The following ATP8A2 variants were observed in gnomAD, a reference collection of about 807,000 sequenced individuals.
The protein encoded by ATP8A2 is phospholipid-transporting ATPase IB.
In ATP8A2, 100 loss-of-function variants were observed where a neutral mutation model predicts 165.6. The ratio of observed to expected loss-of-function variants is 0.60; its 90% CI spans 0.51 to 0.71. The LOEUF is 0.71. Ranked by LOEUF, ATP8A2 falls within the 30% of genes least tolerant of loss-of-function variation. The probability of loss-of-function intolerance (pLI) is 0.00; values close to 1 mark genes in which losing one functional copy is unlikely to be tolerated. For missense variants in ATP8A2, 1,227 were observed against 1,479.5 expected, an observed-to-expected ratio of 0.83 and a Z score of 2.80; for synonymous variants, 543 against 548.8, an observed-to-expected ratio of 0.99 and a Z score of 0.15.
At chr13:25,573,870 GAGA>G (rs1358189677) in intron 18 of ATP8A2, among the ~76,000 whole-genome samples, 3 of 152,354 alleles carry the variant, frequency 2.0e-5, no homozygotes, top group South Asian at 2.1e-4. Context: ...AGGATGCAAA[GAGA>G]AGGAGTGGAG....
rs745384070 is a variant in ATP8A2, at chr13:25,570,752, G to A, written c.1474-15G>A. On this transcript the variant is annotated splice_polypyrimidine_tract_variant and intron_variant, in intron 16 of 36. Coordinates refer to ENST00000381655, the MANE Select transcript of ATP8A2 (RefSeq NM_016529.6). ...AGGTGTTGTATCTGACACTAATCCC[G>A]CCTCACGTTTGCAGCCCACAGCCCC... The A allele has an allele frequency of 9.4e-5, 151 of 1,606,742 alleles. 1 individual carries two copies. Among genetic ancestry groups the A allele is most frequent in the South Asian group, 8.2e-4 (74 of 90,448 alleles).
At chr13:25,475,763 C>T (rs765759176) in intron 2 of ATP8A2, among the ~76,000 whole-genome samples, 18 of 152,116 alleles carry the variant, frequency 1.2e-4, no homozygotes, top group Non-Finnish European at 2.1e-4. Flanking sequence ...CTCTAATGAT[C>T]GGTGATAGTG....
chr13:25,488,932 AC>A (rs1310436750), intron 2 of ATP8A2, among the ~76,000 whole-genome samples: 3 of 134,896 alleles, frequency 2.2e-5, no homozygotes, highest in African/African-American at 8.4e-5. Context: ...TTCCCTGACA[AC>A]CCTGGCTAGG....
chr13:25,533,351 T>C, intron 6 of ATP8A2, 38 bp downstream of exon 6: 1 of 1,175,510 alleles, frequency 8.5e-7, no homozygotes, highest in Non-Finnish European at 1.3e-6. Flanking sequence ...GTACTATTGG[T>C]TTGAAGACGC....
At chr13:25,810,088 A>G (rs1443224481) in intron 27 of ATP8A2, among the ~76,000 whole-genome samples, 2 of 152,174 alleles carry the variant, frequency 1.3e-5, no homozygotes, top group African/African-American at 2.4e-5. Flanking sequence ...GAACCCCAGG[A>G]GAACAGTTGC....
At chr13:25,688,260 G>A (rs2042646742) in intron 24 of ATP8A2, among the ~76,000 whole-genome samples, 1 of 152,016 alleles carries the variant, frequency 6.6e-6, no homozygotes, top group South Asian at 2.1e-4. Context: ...GTTAACATCT[G>A]TCTCCATGAC....
intron 25 of ATP8A2, among the ~76,000 whole-genome samples, chr13:25,739,784 A>G (rs556495622): frequency 6.6e-6 from 1 of 152,340 alleles, no homozygotes; most frequent in Non-Finnish European, 1.5e-5. Context: ...CAGAAATATT[A>G]TAATCTCCTT....
chr13:25,663,576 C>T (rs1052557669), intron 24 of ATP8A2, among the ~76,000 whole-genome samples: 2 of 152,124 alleles, frequency 1.3e-5, no homozygotes, highest in Admixed American at 6.5e-5. Context: ...GAGTTGCATC[C>T]GACATTATCT....
At position 25,844,142 on chromosome 13, in the gene ATP8A2, G is replaced by A. The variant is rs115424985; in HGVS notation, c.2956+4518G>A. Reference sequence around the variant, plus strand: ...GATGGGAGTGGCAGGGATAAAGACTGTAAGCACCAGAGGACCAGGATATGT... The same window carrying A: ...GATGGGAGTGGCAGGGATAAAGACTATAAGCACCAGAGGACCAGGATATGT... On this transcript the variant is annotated intron_variant, in intron 30 of 36. Coordinates refer to ENST00000381655, the MANE Select transcript of ATP8A2 (RefSeq NM_016529.6). 2.6e-3 allele frequency among the ~76,000 whole-genome samples: 396 copies of A among 152,218 alleles called. 3 individuals carry two copies. Among genetic ancestry groups the A allele is most frequent in the African/African-American group, 9.2e-3 (380 of 41,508 alleles).
intron 1 of ATP8A2, among the ~76,000 whole-genome samples, chr13:25,424,918 A>G (rs1401934170): frequency 6.6e-6 from 1 of 152,216 alleles, no homozygotes; most frequent in Non-Finnish European, 1.5e-5. Flanking sequence ...AGATTACACC[A>G]TTACACTCCA....
chr13:25,753,821 G>A (rs952230556), intron 25 of ATP8A2, among the ~76,000 whole-genome samples: 4 of 152,180 alleles, frequency 2.6e-5, no homozygotes, highest in Non-Finnish European at 5.9e-5. Flanking sequence ...AGGCCCCAGA[G>A]TTAAGGAAAA....
chr13:25,794,860 C>CACACACACACACACACA (rs1566145784), intron 27 of ATP8A2, among the ~76,000 whole-genome samples: 9 of 148,658 alleles, frequency 6.1e-5, no homozygotes, highest in East Asian at 2.0e-4. Context: ...CACACACACA[C>CACACACACACACACACA]CTTCTCTCTC....
chr13:26,009,856 A>G (rs1956807560), intron 35 of ATP8A2, among the ~76,000 whole-genome samples: 2 of 152,192 alleles, frequency 1.3e-5, no homozygotes, highest in African/African-American at 2.4e-5. Context: ...ACCTGAGGTC[A>G]GGAGTTCAAG....
intron 24 of ATP8A2, among the ~76,000 whole-genome samples, chr13:25,678,295 A>G (rs76478428): frequency 0.035 from 5,380 of 152,252 alleles, 156 homozygotes; most frequent in East Asian, 0.13. Context: ...AATTTCAGCA[A>G]CAAGTGAAGA....
chr13:25,414,572 C>T (rs1464001910), intron 1 of ATP8A2, among the ~76,000 whole-genome samples: 1 of 152,186 alleles, frequency 6.6e-6, no homozygotes, highest in African/African-American at 2.4e-5. Flanking sequence ...ATTAAGTTGG[C>T]TGTTCTCAAC....
intron 27 of ATP8A2, among the ~76,000 whole-genome samples, chr13:25,805,004 T>G (rs559430110): frequency 6.6e-6 from 1 of 152,212 alleles, no homozygotes; most frequent in African/African-American, 2.4e-5. Flanking sequence ...CTCACTGACA[T>G]TAAACATTCA....
chr13:25,446,669 T>A (rs1168068450), intron 1 of ATP8A2, among the ~76,000 whole-genome samples: 1 of 152,220 alleles, frequency 6.6e-6, no homozygotes, highest in Non-Finnish European at 1.5e-5. Context: ...TCTCATTGAA[T>A]GAAATATTTA....
At chr13:25,511,352 C>T (rs1304523887) in intron 2 of ATP8A2, among the ~76,000 whole-genome samples, 1 of 152,202 alleles carries the variant, frequency 6.6e-6, no homozygotes, top group Admixed American at 6.5e-5. Flanking sequence ...TTCCCCTCCA[C>T]ACCTCGCCAT....
rs547085227 is a variant in ATP8A2 at position 25,727,425 on chromosome 13, G to A, written c.2384+28080G>A. ...CTCTTTTGTCAACGCCAAGGGAGCC[G>A]CCCCATGCCAGAGCTGTATTTGCAT... is the stretch of plus-strand genomic sequence containing the variant. On this transcript the variant is annotated intron_variant, in intron 25 of 36. Transcript: ENST00000381655. 2.1e-3 allele frequency among the ~76,000 whole-genome samples: 319 copies of A among 152,162 alleles called. 1 individual carries two copies. Among genetic ancestry groups the A allele is most frequent in the Non-Finnish European group, 4.1e-3 (277 of 68,018 alleles).
Sources: allele counts gnomAD v4.1 joint callset (sites outside exome capture counted in the v4.1 genomes callset), GRCh38; gene constraint gnomAD v4.1.1; transcripts MANE v1.5; gene names NCBI Gene and HGNC (gene_info 2026-07-23, HGNC 2026-07-21).